Variants in TMEM182 observed in about 807,000 individuals in gnomAD.
TMEM182 encodes the protein transmembrane protein 182.
TMEM182 carries 20 observed loss-of-function variants against 26.8 expected under a neutral mutation model. The observed-to-expected ratio is 0.75, with a 90% CI of 0.53 to 1.09. The LOEUF (loss-of-function observed/expected upper bound fraction) is 1.09. TMEM182 is among the 50% of genes least tolerant of loss of function. TMEM182 has a pLI of 0.00. For missense variants in TMEM182, 277 were observed against 275.5 expected (o/e 1.01, Z -0.04); for synonymous variants, 109 against 102.2 (o/e 1.07, Z -0.40).
At chr2:102,835,532 T>A (rs1683228441) in intron 3 of TMEM182, among the ~76,000 whole-genome samples, 1 of 152,164 alleles carries the variant, frequency 6.6e-6, no homozygotes, top group Non-Finnish European at 1.5e-5. Flanking sequence ...GTGTTGGGTT[T>A]GGACAAATGT....
chr2:102,776,988 G>T (rs1680944975), intron 3 of TMEM182, among the ~76,000 whole-genome samples: 1 of 151,770 alleles, frequency 6.6e-6, no homozygotes, highest in Non-Finnish European at 1.5e-5. Flanking sequence ...TTTCTAATTG[G>T]ATTGTTTGGT....
At chr2:102,760,010 T>C (rs1436820857), upstream of TMEM182, among the ~76,000 whole-genome samples, 1 of 152,174 alleles carries the variant, frequency 6.6e-6, no homozygotes, top group Non-Finnish European at 1.5e-5. Context: ...TATTCATAGA[T>C]TAGGATTAGG....
downstream of TMEM182, among the ~76,000 whole-genome samples, chr2:102,819,379 C>A (rs1335056279): frequency 6.6e-6 from 1 of 152,052 alleles, no homozygotes; most frequent in East Asian, 1.9e-4. Flanking sequence ...GTTTTCATCC[C>A]CCGAAAATTC....
chr2:102,818,524 G>C (rs1008806132), downstream of TMEM182, among the ~76,000 whole-genome samples: 1 of 152,160 alleles, frequency 6.6e-6, no homozygotes, highest in African/African-American at 2.4e-5. Flanking sequence ...AGACAAACCT[G>C]GACTAGCCTG....
At chr2:102,763,062 C>G (rs1003059972) in intron 2 of TMEM182, among the ~76,000 whole-genome samples, 4 of 152,004 alleles carry the variant, frequency 2.6e-5, no homozygotes, top group Admixed American at 6.6e-5. Context: ...CTTGAAATCT[C>G]AAATGTAAAA....
intron 4 of TMEM182, among the ~76,000 whole-genome samples, chr2:102,800,345 G>T (rs929912180): frequency 6.6e-6 from 1 of 152,044 alleles, no homozygotes; most frequent in African/African-American, 2.4e-5. Flanking sequence ...ATCTGTATGG[G>T]TTTGCCTATT....
chr2:102,772,903 G>T (rs1680739742), intron 3 of TMEM182, among the ~76,000 whole-genome samples: 1 of 151,924 alleles, frequency 6.6e-6, no homozygotes, highest in Non-Finnish European at 1.5e-5. Context: ...ATTCATCACA[G>T]CTTCTCCCTA....
chr2:102,842,340 C>T (rs1573585428), intron 3 of TMEM182, among the ~76,000 whole-genome samples: 1 of 152,198 alleles, frequency 6.6e-6, no homozygotes, highest in African/African-American at 2.4e-5. Flanking sequence ...TCCTTCATCA[C>T]TATCTTCCGT....
chr2:102,806,565 C>A (rs1187752979), intron 4 of TMEM182, among the ~76,000 whole-genome samples: 1 of 152,126 alleles, frequency 6.6e-6, no homozygotes, highest in Non-Finnish European at 1.5e-5. Context: ...CTTGGCCTGT[C>A]CTGAAATAGC....
At chr2:102,822,369 T>C (rs555721227), downstream of TMEM182, among the ~76,000 whole-genome samples, 1 of 152,096 alleles carries the variant, frequency 6.6e-6, no homozygotes, top group Admixed American at 6.5e-5. Context: ...AAGTGTGATA[T>C]CGAGGAAACC....
intron 3 of TMEM182, among the ~76,000 whole-genome samples, chr2:102,790,498 C>T (rs1681590402): frequency 1.3e-5 from 2 of 152,236 alleles, no homozygotes; most frequent in Non-Finnish European, 2.9e-5. Flanking sequence ...CATTCTGCCA[C>T]TAGCTTCTTG....
intron 1 of TMEM182, among the ~76,000 whole-genome samples, chr2:102,756,412 A>T (rs1297069989): frequency 6.6e-6 from 1 of 152,182 alleles, no homozygotes; most frequent in East Asian, 1.9e-4. Flanking sequence ...TTTCCATATT[A>T]AAAAACAGAA....
At chr2:102,775,386 T>C (rs1680868617) in intron 3 of TMEM182, 1 of 152,142 alleles carries the variant, frequency 6.6e-6, no homozygotes, top group African/African-American at 2.4e-5. Flanking sequence ...ACGGGATGTA[T>C]CTCAAAATAA....
intron 3 of TMEM182, among the ~76,000 whole-genome samples, chr2:102,831,241 C>G (rs1683142953): frequency 6.6e-6 from 1 of 152,204 alleles, no homozygotes; most frequent in Non-Finnish European, 1.5e-5. Flanking sequence ...ATTGCTGGAT[C>G]ATATGGTAGC....
At chr2:102,821,857 A>T (rs1162211481), downstream of TMEM182, among the ~76,000 whole-genome samples, 1 of 151,926 alleles carries the variant, frequency 6.6e-6, no homozygotes, top group East Asian at 1.9e-4. Context: ...GCATGGTGGC[A>T]GGTGCCTGTA....
At chr2:102,801,440 A>G (rs917267335) in intron 4 of TMEM182, among the ~76,000 whole-genome samples, 1 of 152,198 alleles carries the variant, frequency 6.6e-6, no homozygotes, top group Non-Finnish European at 1.5e-5. Context: ...ACAGAGGCAG[A>G]ACAAAGACAG....
intron 1 of TMEM182, among the ~76,000 whole-genome samples, chr2:102,744,438 A>G (rs1679629668): frequency 6.6e-6 from 1 of 152,202 alleles, no homozygotes. Context: ...TTAAATGTAT[A>G]TATTAGAAAG....
intron 1 of TMEM182, among the ~76,000 whole-genome samples, chr2:102,744,953 A>G (rs1267030201): frequency 6.6e-6 from 1 of 152,098 alleles, no homozygotes; most frequent in Non-Finnish European, 1.5e-5. Context: ...ATGTCTATCT[A>G]TAATTCGGGA....
At chr2:102,764,906 CTGTG>C (rs969200775) in intron 3 of TMEM182, among the ~76,000 whole-genome samples, 1 of 151,606 alleles carries the variant, frequency 6.6e-6, no homozygotes, top group Non-Finnish European at 1.5e-5. Flanking sequence ...TGACTGAACT[CTGTG>C]TGTGTAATAT....
Sources: allele counts gnomAD v4.1 joint callset (sites outside exome capture counted in the v4.1 genomes callset), GRCh38; gene constraint gnomAD v4.1.1; transcripts MANE v1.5; gene names NCBI Gene and HGNC (gene_info 2026-07-23, HGNC 2026-07-21).